Variants in GRAMD2B observed in about 807,000 individuals in gnomAD.
The protein encoded by GRAMD2B is GRAM domain containing 2B.
GRAMD2B carries 41 observed loss-of-function variants against 59.2 expected under a neutral mutation model. The observed-to-expected ratio is 0.69, with a 90% CI of 0.54 to 0.90. The LOEUF (loss-of-function observed/expected upper bound fraction) is 0.90. Ranked by LOEUF, GRAMD2B falls within the 40% of genes least tolerant of loss-of-function variation. GRAMD2B has a pLI of 0.00. For missense variants in GRAMD2B, 424 were observed against 500.5 expected (o/e 0.85, Z 1.46); for synonymous variants, 161 against 182.7 (o/e 0.88, Z 0.96).
intron 1 of GRAMD2B, among the ~76,000 whole-genome samples, chr5:126,390,209 G>T (rs557380604): frequency 6.6e-6 from 1 of 152,192 alleles, no homozygotes; most frequent in African/African-American, 2.4e-5. Flanking sequence ...CTGATATCTA[G>T]GTTGATAATA....
At chr5:126,438,590 G>C (rs1365510906) in intron 1 of GRAMD2B, among the ~76,000 whole-genome samples, 1 of 152,160 alleles carries the variant, frequency 6.6e-6, no homozygotes, top group Non-Finnish European at 1.5e-5. Context: ...TGAGGAACAT[G>C]GAGAGTGTGA....
chr5:126,373,234 T>C (rs1754915795), intron 1 of GRAMD2B, among the ~76,000 whole-genome samples: 1 of 152,228 alleles, frequency 6.6e-6, no homozygotes, highest in Non-Finnish European at 1.5e-5. Context: ...ATCTATTTAA[T>C]GTATTGTGTA....
intron 1 of GRAMD2B, among the ~76,000 whole-genome samples, chr5:126,440,793 C>T (rs1014930131): frequency 1.3e-5 from 2 of 152,050 alleles, no homozygotes; most frequent in East Asian, 1.9e-4. Flanking sequence ...AAAGGACCAT[C>T]GTTCTGTATT....
chr5:126,492,888 T>C, intron 13 of GRAMD2B, 27 bp from the exon 14 acceptor site: 1 of 1,460,888 alleles, frequency 6.8e-7, no homozygotes, highest in South Asian at 1.1e-5. Context: ...TATTTAATAA[T>C]AGGAACTTCT....
chr5:126,400,392 C>A (rs1757719067), intron 1 of GRAMD2B, among the ~76,000 whole-genome samples: 1 of 152,062 alleles, frequency 6.6e-6, no homozygotes, highest in African/African-American at 2.4e-5. Flanking sequence ...CAATTTATAT[C>A]TATTAATATC....
At chr5:126,417,037 A>G (rs1262437646) in intron 1 of GRAMD2B, among the ~76,000 whole-genome samples, 1 of 152,236 alleles carries the variant, frequency 6.6e-6, no homozygotes, top group Admixed American at 6.5e-5. Context: ...TTACAACAGT[A>G]CTGTTAGAAA....
At chr5:126,483,640 T>A in intron 9 of GRAMD2B, 66 bp downstream of exon 9, 2 of 727,042 alleles carry the variant, frequency 2.8e-6, no homozygotes, top group Non-Finnish European at 4.4e-6. Flanking sequence ...CCCCACCCCC[T>A]TAAAAAAAAA....
chr5:126,369,440 T>C (rs1168546979), upstream of GRAMD2B, among the ~76,000 whole-genome samples: 1 of 152,206 alleles, frequency 6.6e-6, no homozygotes, highest in Non-Finnish European at 1.5e-5. Context: ...AATTATCTAG[T>C]AGAGATGCTA....
chr5:126,477,457 C>T (rs1770832826), intron 5 of GRAMD2B, among the ~76,000 whole-genome samples: 1 of 152,168 alleles, frequency 6.6e-6, no homozygotes, highest in Non-Finnish European at 1.5e-5. Context: ...CCACCAAGAT[C>T]TTCAGTCCAA....
At chr5:126,489,113 G>A (rs1773484330) in intron 13 of GRAMD2B, among the ~76,000 whole-genome samples, 1 of 152,208 alleles carries the variant, frequency 6.6e-6, no homozygotes, top group African/African-American at 2.4e-5. Context: ...ACATAGTCTT[G>A]TAGGTCTTTT....
intron 1 of GRAMD2B, among the ~76,000 whole-genome samples, chr5:126,441,508 T>C (rs1763292024): frequency 6.6e-6 from 1 of 152,224 alleles, no homozygotes; most frequent in Non-Finnish European, 1.5e-5. Context: ...TTGCCTTTTA[T>C]AGCCTGAAAA....
upstream of GRAMD2B, among the ~76,000 whole-genome samples, chr5:126,421,442 G>A (rs1199383464): frequency 6.6e-6 from 1 of 152,072 alleles, no homozygotes; most frequent in Non-Finnish European, 1.5e-5. Context: ...AAGGCATCAG[G>A]AATGTCCCCA....
At chr5:126,411,465 TC>T (rs1316012023) in intron 1 of GRAMD2B, among the ~76,000 whole-genome samples, 3 of 152,140 alleles carry the variant, frequency 2.0e-5, no homozygotes, top group African/African-American at 7.2e-5. Flanking sequence ...GGTCTATGTG[TC>T]TGTTTCTGTA....
At chr5:126,396,180 T>G (rs149199064) in intron 1 of GRAMD2B, among the ~76,000 whole-genome samples, 2 of 152,344 alleles carry the variant, frequency 1.3e-5, no homozygotes, top group African/African-American at 2.4e-5. Context: ...TTTTTTCAAT[T>G]TAACTTTTAT....
chr5:126,474,940 G>C (rs1439552754), intron 5 of GRAMD2B, among the ~76,000 whole-genome samples: 1 of 152,158 alleles, frequency 6.6e-6, no homozygotes, highest in Non-Finnish European at 1.5e-5. Flanking sequence ...CCCTTCTAAG[G>C]ATGGTGTCAA....
intron 1 of GRAMD2B, among the ~76,000 whole-genome samples, chr5:126,398,221 A>G (rs1265433956): frequency 6.6e-6 from 1 of 151,578 alleles, no homozygotes; most frequent in African/African-American, 2.4e-5. Context: ...AGGTCTCTCT[A>G]TGTTGCCCAG....
intron 1 of GRAMD2B, among the ~76,000 whole-genome samples, chr5:126,457,918 T>C (rs556930977): frequency 6.6e-6 from 1 of 152,218 alleles, no homozygotes; most frequent in Non-Finnish European, 1.5e-5. Flanking sequence ...CATAACATTG[T>C]GATTCTTTTT....
chr5:126,370,030 A>AG (rs1051244072), upstream of GRAMD2B, among the ~76,000 whole-genome samples: 65 of 152,304 alleles, frequency 4.3e-4, no homozygotes, highest in Middle Eastern at 3.4e-3. Context: ...TGCTCTGTCA[A>AG]GGAAGGACAG....
chr5:126,490,494 G>A (rs1278187134), intron 13 of GRAMD2B: 1 of 152,296 alleles, frequency 6.6e-6, no homozygotes, highest in Non-Finnish European at 1.5e-5. Flanking sequence ...AGCACCAGTG[G>A]AGACTACCTT....
Sources: allele counts gnomAD v4.1 joint callset (sites outside exome capture counted in the v4.1 genomes callset), GRCh38; gene constraint gnomAD v4.1.1; transcripts MANE v1.5; gene names NCBI Gene and HGNC (gene_info 2026-07-23, HGNC 2026-07-21).